The following NBEAL1 variants were observed in gnomAD, a reference collection of about 807,000 sequenced individuals.
NBEAL1 encodes neurobeachin-like protein 1.
In NBEAL1, 273 loss-of-function variants were observed where a neutral mutation model predicts 351.3. The observed-to-expected ratio is 0.78, with a 90% CI of 0.70 to 0.86. The LOEUF (loss-of-function observed/expected upper bound fraction) is 0.86, where lower values mean the gene tolerates loss of function less well. Among genes scored for constraint, NBEAL1 ranks in the 40% least tolerant of loss-of-function variants. The probability of loss-of-function intolerance (pLI) is 0.00; values close to 1 mark genes in which losing one functional copy is unlikely to be tolerated. For synonymous variants in NBEAL1, 1,050 were observed against 1,086.4 expected (o/e 0.97, Z 0.66); for missense variants, 2,961 against 3,201.3 (o/e 0.92, Z 1.81).
chr2:203,105,781 G>A (rs1346250954), intron 12 of NBEAL1, among the ~76,000 whole-genome samples: 1 of 152,098 alleles, frequency 6.6e-6, no homozygotes, highest in Non-Finnish European at 1.5e-5. Context: ...ATTAATGATT[G>A]AACTGCAAAC....
At chr2:203,138,563 A>T in intron 30 of NBEAL1, 57 bp from the exon 31 acceptor site, 1 of 1,493,488 alleles carries the variant, frequency 6.7e-7, no homozygotes, top group Non-Finnish European at 9.0e-7. Flanking sequence ...AAAATTGATC[A>T]TCAGTAAATT....
chr2:203,178,699 A>G (rs981964411), intron 42 of NBEAL1, among the ~76,000 whole-genome samples: 1 of 152,224 alleles, frequency 6.6e-6, no homozygotes, highest in African/African-American at 2.4e-5. Flanking sequence ...TGTCCAAAAT[A>G]CACAGATAGT....
chr2:203,160,034 A>T, intron 36 of NBEAL1, among the ~76,000 whole-genome samples: 2 of 147,566 alleles, frequency 1.4e-5, no homozygotes, highest in Admixed American at 6.8e-5. Flanking sequence ...ATTAATATAT[A>T]TCTACTTTGG....
chr2:203,192,848 A>G (rs899646177), intron 46 of NBEAL1, among the ~76,000 whole-genome samples: 1 of 151,644 alleles, frequency 6.6e-6, no homozygotes, highest in African/African-American at 2.4e-5. Flanking sequence ...ATATTTATAG[A>G]TGATACTGTT....
rs530264989 is a variant in NBEAL1, at chr2:203,117,946, C to T, written c.2592+1876C>T. ...TCAAGCAATTCTTCCACTTCAGCTT[C>T]GCGAAGTGTTGGGATTACAGGAATG... On this transcript the variant is annotated intron_variant, in intron 18 of 55. Coordinates refer to ENST00000683969, the MANE Select transcript of NBEAL1 (RefSeq NM_001378026.1). 9.9e-5 allele frequency among the ~76,000 whole-genome samples: 15 copies of T among 151,898 alleles called. No homozygotes were observed. In the South Asian group the frequency reaches 2.7e-3, roughly 27 times the overall value.
At chr2:203,152,339 A>G (rs2063677653) in intron 35 of NBEAL1, among the ~76,000 whole-genome samples, 1 of 147,046 alleles carries the variant, frequency 6.8e-6, no homozygotes, top group South Asian at 2.2e-4. Flanking sequence ...AGATTGGCCA[A>G]TGCCTTTTTC....
At chr2:203,159,680 T>C (rs575297168) in intron 36 of NBEAL1, among the ~76,000 whole-genome samples, 4 of 152,290 alleles carry the variant, frequency 2.6e-5, no homozygotes, top group East Asian at 1.9e-4. Context: ...CTATTATGAA[T>C]AGTACTTCCA....
chr2:203,217,267 G>C lies in NBEAL1; in HGVS notation c.8085G>C (p.Gln2695His). ...VGKPAEMRSGQLSRKFWGSSK... is the reference protein window; with the variant it reads ...VGKPAEMRSGHLSRKFWGSSK... ...ACTTTACACAGATGCGTTCAGGTCA[G>C]CTTTCTCGAAAATTTTGGGGATCGA... The change falls in exon 56 of 56, where the codon CAG becomes CAC. Residue 2695 changes from glutamine to histidine, a missense_variant. Physicochemically the swap from Gln to His is conservative, Grantham distance 24. Coordinates refer to ENST00000683969, the MANE Select transcript of NBEAL1 (RefSeq NM_001378026.1). 1 of 1,595,598 alleles carries C rather than the reference G, an allele frequency of 6.3e-7. No individual in the cohort carries two copies. The highest frequency in any genetic ancestry group is 8.5e-7 in the Non-Finnish European group (1 of 1,170,884).
At chr2:203,198,025 T>C (rs1046680848) in intron 48 of NBEAL1, among the ~76,000 whole-genome samples, 2 of 143,122 alleles carry the variant, frequency 1.4e-5, no homozygotes, top group African/African-American at 5.1e-5. Context: ...CTTTTCTTTT[T>C]TTTTTTTTTT....
Position 203,086,615 on chromosome 2 carries a change from A to C in NBEAL1, c.1098+2046A>C, listed in dbSNP as rs181276902. On this transcript the variant is annotated intron_variant, in intron 10 of 55. Transcript: ENST00000683969. ...GGTGGTATGATCTCAGCTCACTGCA[A>C]CCTCTGCCTCCTGGGTTCAAGCGAT... 5.5e-3 allele frequency among the ~76,000 whole-genome samples: 835 copies of C among 152,186 alleles called. 2 individuals carry two copies. Among genetic ancestry groups the C allele is most frequent in the Admixed American group, 0.011 (166 of 15,286 alleles).
intron 2 of NBEAL1, among the ~76,000 whole-genome samples, chr2:203,026,492 A>T (rs910562922): frequency 6.6e-6 from 1 of 151,672 alleles, no homozygotes; most frequent in Non-Finnish European, 1.5e-5. Context: ...GGTATTCAGT[A>T]GTTGCCATTT....
At chr2:203,140,809 A>G (rs4675314) in intron 31 of NBEAL1, among the ~76,000 whole-genome samples, 139,741 of 152,046 alleles carry the variant, frequency 0.92, 64,568 homozygotes, top group Non-Finnish European at 0.96. Context: ...GGGCGAGGTG[A>G]GTGGATTCAC....
intron 37 of NBEAL1, 59 bp downstream of exon 37, chr2:203,166,356 A>C (rs1426853061): frequency 5.5e-6 from 8 of 1,457,248 alleles, no homozygotes; most frequent in Non-Finnish European, 6.5e-6. Context: ...CTAATTTATC[A>C]ATCATGAATG....
chr2:203,206,086 A>C (rs2065547036), intron 51 of NBEAL1, among the ~76,000 whole-genome samples: 1 of 151,104 alleles, frequency 6.6e-6, no homozygotes, highest in Non-Finnish European at 1.5e-5. Context: ...AAGATGACTC[A>C]GAGAGCAATT....
chr2:203,035,677 CAAAG>C (rs1275952228), intron 2 of NBEAL1, among the ~76,000 whole-genome samples: 1 of 148,884 alleles, frequency 6.7e-6, no homozygotes, highest in Non-Finnish European at 1.5e-5. Context: ...ATTTTACAGA[CAAAG>C]AACAGCTCAG....
At chr2:203,202,638 A>G (rs776684077) in intron 50 of NBEAL1, 49 bp from the exon 51 acceptor site, 8 of 1,071,382 alleles carry the variant, frequency 7.5e-6, no homozygotes, top group African/African-American at 6.2e-5. Context: ...TTAAAGTTCT[A>G]TTTTAGCAAA....
At chr2:203,036,193 A>T (rs1481334582) in intron 2 of NBEAL1, among the ~76,000 whole-genome samples, 1 of 149,402 alleles carries the variant, frequency 6.7e-6, no homozygotes, top group Non-Finnish European at 1.5e-5. Flanking sequence ...TTAACCATGA[A>T]AGTGACTCAG....
At chr2:203,214,039 G>A (rs2065857659) in intron 55 of NBEAL1, among the ~76,000 whole-genome samples, 1 of 152,090 alleles carries the variant, frequency 6.6e-6, no homozygotes, top group African/African-American at 2.4e-5. Context: ...TTGTTCTTTT[G>A]TAAAAGCATC....
At chr2:203,096,989 C>T in intron 10 of NBEAL1, among the ~76,000 whole-genome samples, 1 of 152,146 alleles carries the variant, frequency 6.6e-6, no homozygotes, top group East Asian at 1.9e-4. Context: ...GGACAATTTA[C>T]AAAAGTTTAA....
Sources: gnomAD v4.1 joint callset for allele counts (sites outside exome capture counted in the v4.1 genomes callset) on GRCh38, gnomAD v4.1.1 for gene constraint, MANE v1.5 for transcripts, NCBI Gene and HGNC (gene_info 2026-07-23, HGNC 2026-07-21) for gene names.